Variants in CHN2 observed in about 807,000 individuals in gnomAD.
CHN2 encodes the protein beta-chimaerin.
In CHN2, 35 loss-of-function variants were observed where a neutral mutation model predicts 56.3. The observed-to-expected ratio is 0.62, with a 90% CI of 0.47 to 0.82. The LOEUF is 0.82. Ranked by LOEUF, CHN2 falls within the 40% of genes least tolerant of loss-of-function variation. The pLI is 0.00. For synonymous variants in CHN2, 210 were observed against 212.8 expected (o/e 0.99, Z 0.12); for missense variants, 491 against 580.5 (o/e 0.85, Z 1.58).
intron 3 of CHN2, among the ~76,000 whole-genome samples, chr7:29,374,028 C>CA (rs2128048027): frequency 6.6e-6 from 1 of 152,304 alleles, no homozygotes; most frequent in Admixed American, 6.5e-5. Context: ...AAGCCACAAA[C>CA]AAAAATCAAT....
intron 6 of CHN2, among the ~76,000 whole-genome samples, chr7:29,459,010 G>A (rs1784963478): frequency 6.6e-6 from 1 of 152,182 alleles, no homozygotes; most frequent in Non-Finnish European, 1.5e-5. Flanking sequence ...TCACAAAGAA[G>A]TTTCCCTGGT....
At chr7:29,412,924 T>C (rs1385450372) in intron 6 of CHN2, among the ~76,000 whole-genome samples, 1 of 152,144 alleles carries the variant, frequency 6.6e-6, no homozygotes. Context: ...GGATCAACTG[T>C]GGGAAGAAGA....
chr7:29,305,440 T>G (rs1794062255), intron 1 of CHN2, among the ~76,000 whole-genome samples: 1 of 152,158 alleles, frequency 6.6e-6, no homozygotes. Context: ...GGATAGTCTC[T>G]TCTATGATAA....
intron 1 of CHN2, among the ~76,000 whole-genome samples, chr7:29,298,599 C>G (rs1793383917): frequency 1.3e-5 from 2 of 152,116 alleles, no homozygotes; most frequent in Admixed American, 1.3e-4. Context: ...AAGGAAACCT[C>G]CGAGTAATGG....
At chr7:29,147,232 A>G in intron 2 of CHN2, 2 of 442,372 alleles carry the variant, frequency 4.5e-6, no homozygotes, top group Non-Finnish European at 4.1e-6. Flanking sequence ...GCAAGTAGAT[A>G]ACACAAAATA....
chr7:29,212,685 C>G (rs1459453435), intron 1 of CHN2: 3 of 1,532,038 alleles, frequency 2.0e-6, no homozygotes, highest in African/African-American at 2.7e-5. Flanking sequence ...CAAGAACTCT[C>G]CAATATCTGG....
chr7:29,430,354 A>G lies in CHN2; in HGVS notation c.576+29526A>G, dbSNP rs1208942296. On this transcript the variant is annotated intron_variant, in intron 6 of 12. Coordinates refer to ENST00000222792, the MANE Select transcript of CHN2 (RefSeq NM_004067.4). ...TCACAGGTGTTAAAAGCTTTAGACA[A>G]ATTAAATTTAACGCAGTTTAGTTGA... Among the ~76,000 whole-genome samples, 3 of 152,318 alleles carry G rather than the reference A, an allele frequency of 2.0e-5. No individual in the cohort carries two copies. In the East Asian group the frequency reaches 5.8e-4, roughly 29 times the overall value.
intron 7 of CHN2, among the ~76,000 whole-genome samples, chr7:29,495,675 G>A (rs1397049386): frequency 6.6e-6 from 1 of 152,204 alleles, no homozygotes; most frequent in East Asian, 1.9e-4. Context: ...GTGCCTTGTT[G>A]TGGGTGGTCA....
At chr7:29,327,982 T>C (rs1295408720) in intron 1 of CHN2, among the ~76,000 whole-genome samples, 2 of 152,176 alleles carry the variant, frequency 1.3e-5, no homozygotes, top group Non-Finnish European at 2.9e-5. Flanking sequence ...CAAAGCATAA[T>C]GTTTGATTGT....
intron 1 of CHN2, among the ~76,000 whole-genome samples, chr7:29,315,710 C>T (rs1379437836): frequency 6.6e-6 from 1 of 152,092 alleles, no homozygotes; most frequent in South Asian, 2.1e-4. Flanking sequence ...CTCAACCTCT[C>T]ACTTTGTGCT....
At chr7:29,479,946 A>G in intron 6 of CHN2, 8 of 1,444,876 alleles carry the variant, frequency 5.5e-6, no homozygotes, top group South Asian at 3.0e-5. Context: ...GGCCCCCTCC[A>G]TCACTCAAAC....
At position 29,212,637 on chromosome 7, in the gene CHN2, G is replaced by T. The variant is rs530284951; in HGVS notation, c.49+17647G>T. On this transcript the variant is annotated intron_variant, in intron 1 of 12. Coordinates refer to ENST00000222792, the MANE Select transcript of CHN2 (RefSeq NM_004067.4). Reference sequence around the variant, plus strand: ...ACCCAGCTGTGTGTACTCAATGATAGATTTCAGAGACAGAAATACCTTAGC... The same window carrying T: ...ACCCAGCTGTGTGTACTCAATGATATATTTCAGAGACAGAAATACCTTAGC... The T allele has an allele frequency of 1.2e-4, 173 of 1,418,476 alleles. 2 individuals carry two copies. The South Asian group carries it at 1.9e-3, about 15-fold the overall frequency. The allele number at this position is 1,418,476 out of a possible 1,614,324, so 87.9% of individuals were successfully genotyped here. A position where few individuals can be genotyped will look rare whatever the true frequency, so the allele number is the denominator to read the frequency against.
At chr7:29,355,771 T>G (rs1585144844) in intron 2 of CHN2, among the ~76,000 whole-genome samples, 1 of 112,470 alleles carries the variant, frequency 8.9e-6, no homozygotes, top group East Asian at 2.6e-4. Flanking sequence ...CAGATGGGAC[T>G]ATTTTTTTTT....
At chr7:29,327,528 C>T (rs1795901421) in intron 1 of CHN2, among the ~76,000 whole-genome samples, 1 of 152,196 alleles carries the variant, frequency 6.6e-6, no homozygotes, top group African/African-American at 2.4e-5. Context: ...TAAGCCTAAG[C>T]AAGATGTCTG....
intron 1 of CHN2, among the ~76,000 whole-genome samples, chr7:29,317,818 G>A (rs1795066278): frequency 6.6e-6 from 1 of 152,140 alleles, no homozygotes; most frequent in Non-Finnish European, 1.5e-5. Context: ...GAGGAGGCCT[G>A]TCTCTACAAA....
intron 2 of CHN2, among the ~76,000 whole-genome samples, chr7:29,176,621 AT>A (rs1386063005): frequency 1.3e-5 from 2 of 152,194 alleles, no homozygotes; most frequent in East Asian, 3.8e-4. Flanking sequence ...TTAAAAGGGT[AT>A]TTTTTAGGAA....
At chr7:29,328,352 C>G (rs1239099758) in intron 1 of CHN2, among the ~76,000 whole-genome samples, 1 of 151,798 alleles carries the variant, frequency 6.6e-6, no homozygotes, top group Non-Finnish European at 1.5e-5. Context: ...TTTTTTCTTT[C>G]CCCTTAGTCT....
intron 7 of CHN2, among the ~76,000 whole-genome samples, chr7:29,486,101 T>C (rs938451181): frequency 6.6e-6 from 1 of 152,014 alleles, no homozygotes; most frequent in African/African-American, 2.4e-5. Flanking sequence ...CATATTTATG[T>C]GTGTGTTTGC....
intron 6 of CHN2, among the ~76,000 whole-genome samples, chr7:29,438,105 G>C (rs1239005891): frequency 2.6e-5 from 4 of 152,192 alleles, no homozygotes; most frequent in African/African-American, 9.6e-5. Context: ...ATGGATACTG[G>C]TGGGCAGAAA....
Sources: gnomAD v4.1 joint callset for allele counts (sites outside exome capture counted in the v4.1 genomes callset) on GRCh38, gnomAD v4.1.1 for gene constraint, MANE v1.5 for transcripts, NCBI Gene and HGNC (gene_info 2026-07-23, HGNC 2026-07-21) for gene names.